Variants in UBAP1 observed in about 807,000 individuals in gnomAD.
UBAP1 encodes the protein ubiquitin associated protein 1.
A neutral mutation model predicts 39.0 loss-of-function variants in UBAP1; 5 were observed. The observed-to-expected ratio is 0.13, with a 90% CI of 0.07 to 0.27. UBAP1 has a LOEUF of 0.27. Among genes scored for constraint, UBAP1 ranks in the 10% least tolerant of loss-of-function variants. UBAP1 has a pLI of 1.00. For missense variants in UBAP1, 490 were observed against 608.1 expected, an observed-to-expected ratio of 0.81 and a Z score of 2.04; for synonymous variants, 211 against 225.1, an observed-to-expected ratio of 0.94 and a Z score of 0.56.
At chr9:34,182,105 T>A (rs1357828811) in intron 1 of UBAP1, among the ~76,000 whole-genome samples, 1 of 150,286 alleles carries the variant, frequency 6.7e-6, no homozygotes, top group Non-Finnish European at 1.5e-5. Context: ...TTTTGACTGG[T>A]GAATGTCACA....
intron 3 of UBAP1, among the ~76,000 whole-genome samples, chr9:34,235,582 GCC>G (rs1175059672): frequency 6.6e-6 from 1 of 152,060 alleles, no homozygotes; most frequent in Non-Finnish European, 1.5e-5. Context: ...CTCGTGATCT[GCC>G]TGCCTTGGCC....
chr9:34,201,520 G>A (rs998729854), intron 1 of UBAP1: 1 of 152,126 alleles, frequency 6.6e-6, no homozygotes, highest in African/African-American at 2.4e-5. Flanking sequence ...GTCCAGCCTG[G>A]GTGGCAGACT....
chr9:34,234,384 T>G (rs976776810), intron 3 of UBAP1, 44 bp downstream of exon 3: 4 of 1,555,320 alleles, frequency 2.6e-6, no homozygotes, highest in Middle Eastern at 1.7e-4. Context: ...TTTAAAAGTT[T>G]AAAGAGTAAG....
intron 2 of UBAP1, among the ~76,000 whole-genome samples, chr9:34,222,809 A>G (rs1832833213): frequency 6.6e-6 from 1 of 152,038 alleles, no homozygotes; most frequent in South Asian, 2.1e-4. Context: ...AAACAAACAA[A>G]AAATGATTCT....
intron 1 of UBAP1, among the ~76,000 whole-genome samples, chr9:34,194,894 C>A (rs1431790377): frequency 1.3e-5 from 2 of 152,094 alleles, no homozygotes; most frequent in Non-Finnish European, 2.9e-5. Context: ...TGAGCCACTA[C>A]CATTGGACCA....
chr9:34,242,140 TA>T (rs759091796), intron 4 of UBAP1, 32 bp downstream of exon 4: 1 of 1,537,338 alleles, frequency 6.5e-7, no homozygotes, highest in South Asian at 1.2e-5. Context: ...CCGACTCCCA[TA>T]TTTTCCTGAT....
chr9:34,199,986 A>G (rs911839630), intron 1 of UBAP1, among the ~76,000 whole-genome samples: 3 of 151,640 alleles, frequency 2.0e-5, no homozygotes, highest in Admixed American at 6.6e-5. Flanking sequence ...TCAGGATCCA[A>G]TCTAGGATAA....
rs1344778417 is a variant in UBAP1, at chr9:34,251,279, AG to A, written c.1369-111del. 14 of 1,153,446 alleles carry A rather than the reference AG, an allele frequency of 1.2e-5. No individual in the cohort carries two copies. The Admixed American group carries it at 3.0e-4, about 25-fold the overall frequency. The allele number at this position is 1,153,446 out of a possible 1,614,324, so 71.5% of individuals were successfully genotyped here. On this transcript the variant is annotated intron_variant, in intron 6 of 6. Coordinates refer to ENST00000297661, the MANE Select transcript of UBAP1 (RefSeq NM_016525.5). Reference sequence around the variant, plus strand: ...TGGAGACTCACGGGGCTCTGGGGGAAGGATGTAGACATTCTGCTCTCCCCCA... The same window carrying A: ...TGGAGACTCACGGGGCTCTGGGGGAAGATGTAGACATTCTGCTCTCCCCCA...
At chr9:34,231,129 G>A (rs1179709364) in intron 2 of UBAP1, among the ~76,000 whole-genome samples, 5 of 37,086 alleles carry the variant, frequency 1.3e-4, no homozygotes, top group Admixed American at 1.3e-3. Context: ...AAAAAATTAT[G>A]TGTGTGTGTG....
chr9:34,215,375 T>G (rs1351977315), intron 1 of UBAP1, among the ~76,000 whole-genome samples: 2 of 152,062 alleles, frequency 1.3e-5, no homozygotes, highest in Non-Finnish European at 2.9e-5. Context: ...AGGAATGAAT[T>G]AGCATTTGCA....
At chr9:34,247,195 C>A (rs1834222386) in intron 4 of UBAP1, among the ~76,000 whole-genome samples, 1 of 152,044 alleles carries the variant, frequency 6.6e-6, no homozygotes, top group Non-Finnish European at 1.5e-5. Context: ...TCCTTTCAAA[C>A]CTTGTCTGTC....
chr9:34,191,302 A>G (rs567362194), intron 1 of UBAP1, among the ~76,000 whole-genome samples: 3 of 152,186 alleles, frequency 2.0e-5, no homozygotes, highest in African/African-American at 7.2e-5. Context: ...GGGTCTTGCT[A>G]TGTTCCCTGG....
chr9:34,249,922 C>T lies in UBAP1; in HGVS notation c.1227C>T (p.Val409=). Residue 409 remains valine (V), a synonymous_variant, in exon 5 of 7, where the codon GTC becomes GTT. Transcript: ENST00000297661. ...VVNMGYSYEC[V]LRAMKKKGEN... is the part of the protein sequence containing the mutation. Reference sequence around the variant, plus strand: ...ACATGGGCTACTCGTACGAGTGTGTCCTCAGAGCCATGAAGAAGAAAGGAG... The same window carrying T: ...ACATGGGCTACTCGTACGAGTGTGTTCTCAGAGCCATGAAGAAGAAAGGAG... 2.5e-6 allele frequency: 4 copies of T among 1,614,172 alleles called. No homozygotes were observed. The highest frequency in any genetic ancestry group is 3.4e-6 in the Non-Finnish European group (4 of 1,180,032).
intron 2 of UBAP1, among the ~76,000 whole-genome samples, chr9:34,227,148 AT>A (rs1833150391): frequency 6.6e-6 from 1 of 152,108 alleles, no homozygotes; most frequent in Non-Finnish European, 1.5e-5. Context: ...TAAAAAGCTG[AT>A]TTTGTAGATT....
intron 4 of UBAP1, among the ~76,000 whole-genome samples, chr9:34,244,127 G>A (rs952407356): frequency 6.6e-6 from 1 of 152,138 alleles, no homozygotes; most frequent in African/African-American, 2.4e-5. Flanking sequence ...GATTACAGGT[G>A]TGAGTCACCG....
intron 3 of UBAP1, among the ~76,000 whole-genome samples, chr9:34,240,446 A>G (rs1196353603): frequency 6.6e-6 from 1 of 152,152 alleles, no homozygotes; most frequent in South Asian, 2.1e-4. Flanking sequence ...CTTTGGGGTG[A>G]AAGCCAAAGA....
intron 4 of UBAP1, among the ~76,000 whole-genome samples, chr9:34,246,679 G>C (rs534999565): frequency 6.6e-6 from 1 of 152,362 alleles, no homozygotes; most frequent in South Asian, 2.1e-4. Flanking sequence ...CACATTAGCA[G>C]TGGGTTAAAA....
At chr9:34,231,198 T>C (rs1833399374) in intron 2 of UBAP1, among the ~76,000 whole-genome samples, 1 of 148,540 alleles carries the variant, frequency 6.7e-6, no homozygotes, top group South Asian at 2.1e-4. Context: ...TTAGATTGAA[T>C]CCAGAAGAAG....
chr9:34,195,296 CT>C (rs1830963540), intron 1 of UBAP1, among the ~76,000 whole-genome samples: 1 of 151,976 alleles, frequency 6.6e-6, no homozygotes, highest in Admixed American at 6.6e-5. Context: ...AAGTTTTATA[CT>C]TTCAGGTTTG....
Sources: allele counts gnomAD v4.1 joint callset (sites outside exome capture counted in the v4.1 genomes callset), GRCh38; gene constraint gnomAD v4.1.1; transcripts MANE v1.5; gene names NCBI Gene and HGNC (gene_info 2026-07-23, HGNC 2026-07-21).